The following GPR89B variants were observed in gnomAD, a reference collection of about 807,000 sequenced individuals.
GPR89B encodes G protein-coupled receptor 89B.
Under a neutral mutation model 52.4 loss-of-function variants are expected in GPR89B, and 25 were observed. That is an observed-to-expected ratio of 0.48 (90% confidence interval 0.35 to 0.67). The LOEUF (loss-of-function observed/expected upper bound fraction) is 0.67, where lower values mean the gene tolerates loss of function less well. Among genes scored for constraint, GPR89B ranks in the 30% least tolerant of loss-of-function variants. The pLI is 0.01. For missense variants in GPR89B, 146 were observed against 450.2 expected, an observed-to-expected ratio of 0.32 and a Z score of 6.11; for synonymous variants, 52 against 151.2, an observed-to-expected ratio of 0.34 and a Z score of 4.81.
chr1:148,013,507 G>A, the GPR89B span, among the ~76,000 whole-genome samples: 1 of 152,124 alleles, frequency 6.6e-6, no homozygotes. Flanking sequence ...GGTCAAACGC[G>A]CAGAGCTCCA....
intron 5 of GPR89B, among the ~76,000 whole-genome samples, chr1:147,948,967 C>T (rs1270098791): frequency 1.3e-5 from 2 of 151,870 alleles, no homozygotes; most frequent in East Asian, 1.9e-4. Flanking sequence ...TGACTCTTAA[C>T]GAGCATGCTG....
chr1:147,959,903 C>T (rs1180160862), intron 7 of GPR89B, among the ~76,000 whole-genome samples: 407 of 149,976 alleles, frequency 2.7e-3, no homozygotes, highest in Non-Finnish European at 3.9e-3. Context: ...GCTTTTCTGG[C>T]TTGAGGTGTC....
the GPR89B span, among the ~76,000 whole-genome samples, chr1:148,004,464 C>G: frequency 2.1e-5 from 3 of 144,696 alleles, no homozygotes; most frequent in South Asian, 7.0e-4. Context: ...CGCGCCCGGC[C>G]CCTATCTCCA....
intron 1 of GPR89B, among the ~76,000 whole-genome samples, chr1:147,935,543 C>T (rs1485541712): frequency 7.2e-5 from 11 of 151,984 alleles, no homozygotes; most frequent in African/African-American, 9.7e-5. Flanking sequence ...ACAAAACTGA[C>T]GAAAGAGGGA....
chr1:147,958,019 G>A (rs1293534381), intron 7 of GPR89B, among the ~76,000 whole-genome samples: 15 of 151,344 alleles, frequency 9.9e-5, no homozygotes, highest in South Asian at 2.1e-4. Flanking sequence ...AGCCCACATC[G>A]CGCCACTGCA....
chr1:147,967,774 A>T (rs1657134959), intron 8 of GPR89B: 2 of 153,066 alleles, frequency 1.3e-5, no homozygotes, highest in African/African-American at 4.9e-5. Flanking sequence ...ATTTAGATTT[A>T]TTTAACCAAG....
intron 10 of GPR89B, among the ~76,000 whole-genome samples, chr1:147,983,854 G>A (rs1464197610): frequency 6.6e-6 from 1 of 151,902 alleles, no homozygotes; most frequent in East Asian, 1.9e-4. Flanking sequence ...TATAAATCAT[G>A]TTGCTATAAA....
At chr1:148,013,932 C>T in the GPR89B span, among the ~76,000 whole-genome samples, 1 of 151,706 alleles carries the variant, frequency 6.6e-6, no homozygotes, top group Non-Finnish European at 1.5e-5. Context: ...GCGCGCGGGA[C>T]CCAGGAGCCT....
At chr1:147,970,519 CTCTCTCTCTCTCTCTA>C (rs1657359133) in intron 10 of GPR89B, among the ~76,000 whole-genome samples, 2 of 150,164 alleles carry the variant, frequency 1.3e-5, no homozygotes, top group African/African-American at 5.0e-5. Context: ...CTCTCTCTCT[CTCTCTCTCTCTCTCTA>C]TCTCTATCTC....
At chr1:147,979,570 T>C (rs2149086608) in intron 10 of GPR89B, among the ~76,000 whole-genome samples, 1 of 152,278 alleles carries the variant, frequency 6.6e-6, no homozygotes, top group African/African-American at 2.4e-5. Context: ...AATCATAGTT[T>C]ATTGAGTATT....
At chr1:147,961,275 A>G (rs1345313459) in intron 7 of GPR89B, among the ~76,000 whole-genome samples, 207 of 152,250 alleles carry the variant, frequency 1.4e-3, no homozygotes, top group African/African-American at 4.8e-3. Flanking sequence ...GCAGTCCAAC[A>G]TTCTTGTGAT....
downstream of GPR89B, among the ~76,000 whole-genome samples, chr1:147,995,121 C>G (rs1284954130): frequency 5.9e-5 from 9 of 152,166 alleles, no homozygotes; most frequent in African/African-American, 2.2e-4. Flanking sequence ...TCACCACTTA[C>G]ATGCTCACTA....
intron 5 of GPR89B, among the ~76,000 whole-genome samples, chr1:147,945,204 C>G (rs1236873600): frequency 1.4e-5 from 2 of 141,170 alleles, no homozygotes; most frequent in Middle Eastern, 3.5e-3. Context: ...CTATCACCAC[C>G]CCTACATTGT....
intron 10 of GPR89B, among the ~76,000 whole-genome samples, chr1:147,980,671 C>G (rs1658171706): frequency 6.6e-6 from 1 of 150,452 alleles, no homozygotes; most frequent in Non-Finnish European, 1.5e-5. Flanking sequence ...TTTTATCAAG[C>G]CAAAAAGAAA....
the GPR89B span, chr1:148,011,061 A>G: frequency 2.6e-5 from 4 of 152,156 alleles, no homozygotes; most frequent in Non-Finnish European, 5.9e-5. Flanking sequence ...TCAGTGGAGC[A>G]TTGGTAGTTC....
intron 11 of GPR89B, 98 bp downstream of exon 11, chr1:147,986,392 C>G: frequency 6.7e-7 from 1 of 1,496,560 alleles, no homozygotes; most frequent in South Asian, 1.3e-5. Context: ...TAGGTACTTG[C>G]TTCTGCTTTT....
chr1:147,996,455 G>GT, downstream of GPR89B: 1 of 1,083,504 alleles, frequency 9.2e-7, no homozygotes, highest in Non-Finnish European at 1.4e-6. Flanking sequence ...CCATCAATGG[G>GT]TGGGAAAAGC....
At chr1:147,986,136 T>G in intron 10 of GPR89B, 63 bp from the exon 11 acceptor site, 1 of 1,610,260 alleles carries the variant, frequency 6.2e-7, no homozygotes, top group Non-Finnish European at 8.5e-7. Flanking sequence ...TTAGTTTCAG[T>G]CACTTTTTGA....
At chr1:147,988,201 T>G (rs1244666311) in intron 11 of GPR89B, among the ~76,000 whole-genome samples, 51 of 151,878 alleles carry the variant, frequency 3.4e-4, no homozygotes, top group African/African-American at 1.2e-3. Context: ...AAAAAAATAT[T>G]TTTTTAATTT....
Sources: gnomAD v4.1 joint callset for allele counts (sites outside exome capture counted in the v4.1 genomes callset) on GRCh38, gnomAD v4.1.1 for gene constraint, MANE v1.5 for transcripts, NCBI Gene and HGNC (gene_info 2026-07-23, HGNC 2026-07-21) for gene names.